The following TIAM2 variants were observed in gnomAD, a reference collection of about 807,000 sequenced individuals.
TIAM2 encodes rho guanine nucleotide exchange factor TIAM2.
In TIAM2, 80 loss-of-function variants were observed where a neutral mutation model predicts 152.9. The ratio of observed to expected loss-of-function variants is 0.52; its 90% CI spans 0.44 to 0.63. The LOEUF is 0.63. Among genes scored for constraint, TIAM2 ranks in the 30% least tolerant of loss-of-function variants. The probability of loss-of-function intolerance (pLI) is 0.00; values close to 1 mark genes in which losing one functional copy is unlikely to be tolerated. For synonymous variants in TIAM2, 804 were observed against 838.0 expected, an observed-to-expected ratio of 0.96 and a Z score of 0.70; for missense variants, 1,965 against 2,120.1, an observed-to-expected ratio of 0.93 and a Z score of 1.44.
intron 14 of TIAM2, among the ~76,000 whole-genome samples, chr6:155,194,571 GTCC>G (rs1353679737): frequency 6.6e-6 from 1 of 152,152 alleles, no homozygotes; most frequent in Non-Finnish European, 1.5e-5. Flanking sequence ...GAGATACTCT[GTCC>G]TCCTCCTTTA....
rs140998779 is a variant in TIAM2 at position 155,105,597 on chromosome 6, A to C, written c.-118+15218A>C. On this transcript the variant is annotated intron_variant, in intron 2 of 26. Coordinates refer to ENST00000682666, the MANE Select transcript of TIAM2 (RefSeq NM_012454.4). ...AGGTGTGCACTCCCAGGCTTGGCTA[A>C]TTTTTTTTTTTTTCTGTTAGCTAAT... is the stretch of plus-strand genomic sequence containing the variant. Among the ~76,000 whole-genome samples, 331 of 143,730 alleles carry C rather than the reference A, an allele frequency of 2.3e-3. 1 individual carries two copies. Among genetic ancestry groups the C allele is most frequent in the African/African-American group, 8.1e-3 (320 of 39,380 alleles). The allele number at this position is 143,730 out of a possible 152,430, so 94.3% of individuals were successfully genotyped here.
At chr6:155,178,273 A>G (rs889011102) in intron 10 of TIAM2, among the ~76,000 whole-genome samples, 1 of 151,546 alleles carries the variant, frequency 6.6e-6, no homozygotes, top group Non-Finnish European at 1.5e-5. Flanking sequence ...GAGAGAAAAT[A>G]TGAGTGTGTG....
At chr6:155,047,497 A>C (rs1476475542) in intron 1 of TIAM2, among the ~76,000 whole-genome samples, 1 of 152,088 alleles carries the variant, frequency 6.6e-6, no homozygotes, top group Non-Finnish European at 1.5e-5. Context: ...GAAGTTCTTT[A>C]AGCCTTAAAC....
intron 1 of TIAM2, among the ~76,000 whole-genome samples, chr6:155,039,978 A>G (rs1242607962): frequency 1.3e-5 from 2 of 152,186 alleles, no homozygotes; most frequent in Non-Finnish European, 2.9e-5. Flanking sequence ...TTTTTTCCAA[A>G]CTTCAATTTG....
intron 4 of TIAM2, among the ~76,000 whole-genome samples, chr6:155,133,538 C>T (rs1166090698): frequency 6.6e-6 from 1 of 151,880 alleles, no homozygotes; most frequent in African/African-American, 2.4e-5. Flanking sequence ...CATAATTTAC[C>T]TTAGAGCTCC....
intron 15 of TIAM2, among the ~76,000 whole-genome samples, chr6:155,231,566 G>A (rs1272504496): frequency 2.0e-5 from 3 of 152,280 alleles, no homozygotes; most frequent in Non-Finnish European, 2.9e-5. Context: ...TCCACTCCAC[G>A]GAGCATGCCG....
chr6:155,117,835 A>G (rs543578561), intron 2 of TIAM2, among the ~76,000 whole-genome samples: 1 of 152,220 alleles, frequency 6.6e-6, no homozygotes, highest in Non-Finnish European at 1.5e-5. Context: ...TTGGGAAGGG[A>G]TGGTGTCATC....
intron 2 of TIAM2, among the ~76,000 whole-genome samples, chr6:155,124,871 T>C (rs1389014036): frequency 6.6e-6 from 1 of 152,124 alleles, no homozygotes. Context: ...TTTTTTTTTT[T>C]TTTTTAATTT....
chr6:155,132,512 AT>A (rs1432716255), intron 4 of TIAM2, among the ~76,000 whole-genome samples: 2 of 151,944 alleles, frequency 1.3e-5, no homozygotes, highest in African/African-American at 2.4e-5. Flanking sequence ...TATTGTAGTA[AT>A]TTGTATAGTG....
At chr6:155,116,130 C>T (rs1228612750) in intron 2 of TIAM2, among the ~76,000 whole-genome samples, 2 of 152,240 alleles carry the variant, frequency 1.3e-5, no homozygotes, top group East Asian at 3.9e-4. Context: ...TTAGGCCCTT[C>T]CCCCTCCATC....
intron 1 of TIAM2, among the ~76,000 whole-genome samples, chr6:155,019,642 T>C (rs1269330939): frequency 6.6e-6 from 1 of 152,208 alleles, no homozygotes; most frequent in South Asian, 2.1e-4. Context: ...GGACTGATAG[T>C]TGGTTGGCCT....
At chr6:155,195,702 C>T (rs1781326257) in intron 14 of TIAM2, among the ~76,000 whole-genome samples, 1 of 152,190 alleles carries the variant, frequency 6.6e-6, no homozygotes, top group African/African-American at 2.4e-5. Context: ...AGGCTGGTTG[C>T]AGTTGTGCAT....
chr6:155,192,220 C>T (rs187479102), intron 14 of TIAM2, among the ~76,000 whole-genome samples: 20 of 152,230 alleles, frequency 1.3e-4, no homozygotes, highest in Admixed American at 1.0e-3. Context: ...GAACACAGCC[C>T]TGTGGCCTTA....
At chr6:155,027,465 CTATA>C (rs35885456) in intron 1 of TIAM2, among the ~76,000 whole-genome samples, 731 of 50,900 alleles carry the variant, frequency 0.014, 74 homozygotes, top group Middle Eastern at 0.079. Context: ...TACATATATA[CTATA>C]TATAATATAT....
chr6:155,191,800 AAAC>A (rs1355478150), intron 14 of TIAM2, among the ~76,000 whole-genome samples: 3 of 123,654 alleles, frequency 2.4e-5, no homozygotes, highest in African/African-American at 6.5e-5. Context: ...GTCTCATAAA[AAAC>A]AACAACAAAA....
chr6:155,144,512 A>T, intron 5 of TIAM2, 94 bp from the exon 6 acceptor site: 1 of 1,216,676 alleles, frequency 8.2e-7, no homozygotes, highest in Non-Finnish European at 1.1e-6. Flanking sequence ...TGTCTCACTC[A>T]GGTGTTTTTA....
In TIAM2 at chr6:155,165,288, T is replaced by A. The variant is rs370466674; in HGVS notation, c.2240T>A (p.Leu747His). 2 of 1,613,824 alleles carry A rather than the reference T, an allele frequency of 1.2e-6. No homozygotes were observed. The highest frequency in any genetic ancestry group is 2.7e-5 in the African/African-American group (2 of 74,866). Residue 747 changes from leucine (L) to histidine (H), a missense_variant, in exon 9 of 27, where the codon CTC becomes CAC. Around this residue, in one of 3 missense-constraint regions of TIAM2, gnomAD observed 1,025 missense variants for 1,119.4 expected, o/e 0.92. Transcript: ENST00000682666. ...GTATGTTCTAGAGATGACTCTGCTC[T>A]CCGGAAAAGGACACTGTCACTGACC... ...ALVCSRDDSA[L>H]RKRTLSLTQR...
At chr6:155,122,412 G>A (rs1057141284) in intron 2 of TIAM2, among the ~76,000 whole-genome samples, 1 of 144,076 alleles carries the variant, frequency 6.9e-6, no homozygotes, top group Non-Finnish European at 1.5e-5. Context: ...GTAGGATTTT[G>A]GGGATTAGGA....
intron 14 of TIAM2, among the ~76,000 whole-genome samples, chr6:155,192,935 G>T (rs562597765): frequency 1.3e-5 from 2 of 152,304 alleles, no homozygotes; most frequent in South Asian, 4.2e-4. Flanking sequence ...GGAACCTGAG[G>T]CATTATTGGT....
Sources: allele counts gnomAD v4.1 joint callset (sites outside exome capture counted in the v4.1 genomes callset), GRCh38; gene constraint gnomAD v4.1.1; regional missense constraint gnomAD v4.1.1; transcripts MANE v1.5; gene names NCBI Gene and HGNC (gene_info 2026-07-23, HGNC 2026-07-21).